ALDH16A1: variants seen among roughly 807,000 people sequenced by gnomAD.
ALDH16A1 encodes aldehyde dehydrogenase 16 family member A1.
ALDH16A1 carries 88 observed loss-of-function variants against 96.1 expected under a neutral mutation model. The ratio of observed to expected loss-of-function variants is 0.92; its 90% confidence interval spans 0.77 to 1.09. The LOEUF is 1.09. ALDH16A1 is among the 50% of genes least tolerant of loss of function. The pLI is 0.00. For synonymous variants in ALDH16A1, 522 were observed against 496.4 expected, an observed-to-expected ratio of 1.05 and a Z score of -0.69; for missense variants, 1,250 against 1,112.6, an observed-to-expected ratio of 1.12 and a Z score of -1.76.
chr19:49,457,402 G>A (rs112110111), intron 1 of ALDH16A1, among the ~76,000 whole-genome samples: 3,721 of 151,528 alleles, frequency 0.025, 170 homozygotes, highest in Admixed American at 0.1. Context: ...AAAAAAATTA[G>A]CCAGGCGTGG....
In ALDH16A1 at chr19:49,466,070, GT is replaced by G. The variant is rs751397251; in HGVS notation, c.1737-11del. On this transcript the variant is annotated splice_polypyrimidine_tract_variant and intron_variant, in intron 13 of 16. Transcript: ENST00000293350. ...AGGATGCCAACCCCCACTGTGCGCT[GT>G]CTGCCCACAGCTGGGCGGGCCAGTC... The G allele has an allele frequency of 1.9e-6, 3 of 1,541,080 alleles. No individual in the cohort carries two copies. The highest frequency in any genetic ancestry group is 2.6e-6 in the Non-Finnish European group (3 of 1,146,932).
At chr19:49,453,779 T>A (rs2079087903) in intron 1 of ALDH16A1, among the ~76,000 whole-genome samples, 2 of 152,098 alleles carry the variant, frequency 1.3e-5, no homozygotes, top group South Asian at 4.1e-4. Context: ...GAGGCTCCAG[T>A]GACCCACAAC....
chr19:49,462,010 G>A lies in ALDH16A1; in HGVS notation c.886G>A (p.Asp296Asn), dbSNP rs1263156872. Residue 296 changes from aspartate to asparagine, a missense_variant, in exon 7 of 17, where the codon GAC becomes AAC. Transcript: ENST00000293350. ...DVDSAVEGVV[D>N]AAWSDRGPGG... ...AGACTCGGCCGTGGAGGGTGTCGTG[G>A]ACGCCGCCTGGTCCGACCGCGGCCC... 6.5e-7 allele frequency: 1 copy of A among 1,544,238 alleles called. No individual in the cohort carries two copies. Among genetic ancestry groups the A allele is most frequent in the Non-Finnish European group, 8.7e-7 (1 of 1,148,798 alleles).
chr19:49,470,307 G>A lies in ALDH16A1; in HGVS notation c.2249G>A (p.Gly750Asp), dbSNP rs2079234460. 1 of 1,613,340 alleles carries A rather than the reference G, an allele frequency of 6.2e-7. No homozygotes were observed. Among genetic ancestry groups the A allele is most frequent in the Non-Finnish European group, 8.5e-7 (1 of 1,179,760 alleles). Reference protein sequence around the residue: ...QAMWYFGSAQGSQFVEWASAG... With the variant: ...QAMWYFGSAQDSQFVEWASAG... ...ACCCCCGTCTCTTCCTCCCCTCAGGGTTCCCAGTTTGTCGAGTGGGCCTCG... is the reference window on the plus strand; with the variant it reads ...ACCCCCGTCTCTTCCTCCCCTCAGGATTCCCAGTTTGTCGAGTGGGCCTCG... Residue 750 changes from glycine (G) to aspartate (D), a missense_variant and splice_region_variant, in exon 17 of 17, where the codon GGT becomes GAT. Transcript: ENST00000293350.
Position 49,464,619 on chromosome 19 carries a change from G to C in ALDH16A1, c.1438-13G>C, listed in dbSNP as rs372663614. 1.9e-6 allele frequency: 3 copies of C among 1,613,804 alleles called. No homozygotes were observed. On this transcript the variant is annotated splice_polypyrimidine_tract_variant and intron_variant, in intron 11 of 16. Transcript: ENST00000293350. ...GTGCCCCTTGCATCCTCTTGACACC[G>C]TCCCTCTCACAGGGGCTGTATGAGT...
Position 49,459,811 on chromosome 19 carries a change from C to T in ALDH16A1, c.462C>T (p.Ser154=). ...QLLHYHAIQA[S]TQEEALAGWE... ...TCCACTACCATGCAATCCAGGCATC[C>T]ACCCAGGAGGAGGCACTGGCAGGCT... is the stretch of plus-strand genomic sequence containing the variant. The change falls in exon 4 of 17, where the codon TCC becomes TCT. Residue 154 remains serine (S), a synonymous_variant. Transcript: ENST00000293350. This position sits in a 1 kb window ranked among gnomAD's most constrained non-coding sequence, Gnocchi z 4.1. 6.2e-7 allele frequency: 1 copy of T among 1,613,492 alleles called. No individual in the cohort carries two copies. Among genetic ancestry groups the T allele is most frequent in the Non-Finnish European group, 8.5e-7 (1 of 1,179,882 alleles).
Position 49,462,006 on chromosome 19 carries a change from C to A in ALDH16A1, c.882C>A (p.Val294=). 1 of 1,544,638 alleles carries A rather than the reference C, an allele frequency of 6.5e-7. No homozygotes were observed. ...ACGTAGACTCGGCCGTGGAGGGTGT[C>A]GTGGACGCCGCCTGGTCCGACCGCG... The part of the protein sequence containing the change: ...TADVDSAVEG[V]VDAAWSDRGP... Residue 294 remains valine, a synonymous_variant, in exon 7 of 17, where the codon GTC becomes GTA. Coordinates refer to ENST00000293350, the MANE Select transcript of ALDH16A1 (RefSeq NM_153329.4).
chr19:49,468,849 C>T lies in ALDH16A1; in HGVS notation c.2125-15C>T. 1.9e-6 allele frequency: 3 copies of T among 1,609,570 alleles called. No individual in the cohort carries two copies. ...CCCACGGCCTCCCCAACCTTTCACT[C>T]TCTCTATCCCCTAGGACATGGCCAC... On this transcript the variant is annotated splice_polypyrimidine_tract_variant and intron_variant, in intron 15 of 16. Transcript: ENST00000293350. The surrounding 1 kb of genome is among the most constrained non-coding windows in gnomAD (Gnocchi z 4.4).
Position 49,465,762 on chromosome 19 carries a change from C to T in ALDH16A1, c.1593C>T (p.Phe531=), listed in dbSNP as rs747326977. The part of the protein sequence containing the change: ...GPSPAPPYGL[F]VGGRFQAPGA... The stretch of plus-strand genomic sequence containing the variant: ...GCCCAGCACCCCCCTATGGGCTCTT[C>T]GTTGGGGGCCGTTTCCAGGCTCCTG... Residue 531 remains phenylalanine (F), a synonymous_variant, in exon 13 of 17, where the codon TTC becomes TTT. Coordinates refer to ENST00000293350, the MANE Select transcript of ALDH16A1 (RefSeq NM_153329.4). 30 of 1,613,810 alleles carry T rather than the reference C, an allele frequency of 1.9e-5. No individual in the cohort carries two copies. The highest frequency in any genetic ancestry group is 2.4e-5 in the Non-Finnish European group (28 of 1,179,878).
At position 49,459,071 on chromosome 19, in the gene ALDH16A1, C is replaced by G; in HGVS notation, c.305C>G (p.Ala102Gly). 2.5e-6 allele frequency: 4 copies of G among 1,612,820 alleles called. No homozygotes were observed. The highest frequency in any genetic ancestry group is 2.5e-6 in the Non-Finnish European group (3 of 1,179,834). The change falls in exon 3 of 17, where the codon GCC becomes GGC. Residue 102 changes from alanine to glycine, a missense_variant. Physicochemically the swap from Ala to Gly is moderately conservative, Grantham distance 60. Coordinates refer to ENST00000293350, the MANE Select transcript of ALDH16A1 (RefSeq NM_153329.4). The surrounding 1 kb of genome is among the most constrained non-coding windows in gnomAD (Gnocchi z 4.1). The part of the protein sequence containing the change: ...GWSAHPGVVR[A>G]QHLTRLAEVI... ...AGTGCGCACCCCGGCGTCGTCCGGG[C>G]CCAGCACCTGACCAGGTGATGCAGC...
chr19:49,466,334 A>G, intron 14 of ALDH16A1, 51 bp downstream of exon 14: 1 of 1,415,868 alleles, frequency 7.1e-7, no homozygotes. Context: ...GGTGGGGCTC[A>G]GACCAGAGGC....
In ALDH16A1 at chr19:49,461,707, A is replaced by G; in HGVS notation, c.666A>G (p.Gly222=). 1.9e-6 allele frequency: 3 copies of G among 1,609,624 alleles called. No homozygotes were observed. The highest frequency in any genetic ancestry group is 2.5e-6 in the Non-Finnish European group (3 of 1,178,138). The change falls in exon 6 of 17, where the codon GGA becomes GGG. Residue 222 remains glycine, a synonymous_variant. Coordinates refer to ENST00000293350, the MANE Select transcript of ALDH16A1 (RefSeq NM_153329.4). ...CGGGGGAGCTGGGCCCCTTCCCGGG[A>G]ATCCTGAATGTCCTCAGTGGCCCTG... is the stretch of plus-strand genomic sequence containing the variant. The part of the protein sequence containing the change: ...QLAGELGPFP[G]ILNVLSGPAS...
chr19:49,468,408 C>T lies in ALDH16A1; in HGVS notation c.1966C>T (p.Arg656Cys), dbSNP rs751182686. 6 of 1,600,074 alleles carry T rather than the reference C, an allele frequency of 3.7e-6. No homozygotes were observed. Among genetic ancestry groups the T allele is most frequent in the South Asian group, 1.1e-5 (1 of 91,016 alleles). The stretch of plus-strand genomic sequence containing the variant: ...AGCCGGGCTGAGAGGCCCTGTGCTG[C>T]GCCTGCGGGAGCCGCTGGGTGTGCT... The part of the protein sequence containing the change: ...QVAGLRGPVL[R>C]LREPLGVLAV... The change falls in exon 15 of 17, where the codon CGC becomes TGC. Residue 656 changes from arginine (R) to cysteine (C), a missense_variant. Coordinates refer to ENST00000293350, the MANE Select transcript of ALDH16A1 (RefSeq NM_153329.4). This position sits in a 1 kb window ranked among gnomAD's most constrained non-coding sequence, Gnocchi z 4.4.
In ALDH16A1 at chr19:49,468,037, G is replaced by A. The variant is rs1441508184; in HGVS notation, c.1939-344G>A. Among the ~76,000 whole-genome samples the A allele has an allele frequency of 1.3e-5, 2 of 151,528 alleles. No individual in the cohort carries two copies. Among genetic ancestry groups the A allele is most frequent in the African/African-American group, 2.4e-5 (1 of 41,218 alleles). On this transcript the variant is annotated intron_variant, in intron 14 of 16. Transcript: ENST00000293350. This position sits in a 1 kb window ranked among gnomAD's most constrained non-coding sequence, Gnocchi z 4.4. ...TAGCCGGGCATGGTGGCAGGTGCCT[G>A]TAGTCTCAGCTACTCAGGAGACTGA...
chr19:49,463,919 GC>G lies in ALDH16A1; in HGVS notation c.1169del (p.Pro390GlnfsTer112). On this transcript the variant is annotated frameshift_variant, in exon 9 of 17. Coordinates refer to ENST00000293350, the MANE Select transcript of ALDH16A1 (RefSeq NM_153329.4). LOFTEE classifies it high-confidence loss of function. The part of the protein sequence containing the change: ...FYPPTLVSNL[P>X]PASPCAQVEV... ...ATCCCCCAACCTTGGTCTCCAACCT[GC>G]CCCCAGCCTCCCCATGTGCCCAGGT... 6.2e-7 allele frequency: 1 copy of G among 1,612,776 alleles called. No individual in the cohort carries two copies. The highest frequency in any genetic ancestry group is 1.7e-5 in the Admixed American group (1 of 59,808).
At position 49,470,374 on chromosome 19, in the gene ALDH16A1, G is replaced by A. The variant is rs770048555; in HGVS notation, c.2316G>A (p.Pro772=). 7.4e-6 allele frequency: 12 copies of A among 1,613,032 alleles called. No homozygotes were observed. The highest frequency in any genetic ancestry group is 5.0e-5 in the Admixed American group (3 of 59,984). ...LKPVWASRGC[P]RAWDQEAEGA... is the part of the protein sequence containing the mutation. Reference sequence around the variant, plus strand: ...CGGTGTGGGCGAGCAGGGGCTGCCCGCGGGCCTGGGACCAGGAGGCCGAGG... The same window carrying A: ...CGGTGTGGGCGAGCAGGGGCTGCCCACGGGCCTGGGACCAGGAGGCCGAGG... The change falls in exon 17 of 17, where the codon CCG becomes CCA. Residue 772 remains proline, a synonymous_variant. Coordinates refer to ENST00000293350, the MANE Select transcript of ALDH16A1 (RefSeq NM_153329.4).
intron 10 of ALDH16A1, 27 bp downstream of exon 10, chr19:49,464,290 C>G: frequency 6.3e-7 from 1 of 1,595,954 alleles, no homozygotes; most frequent in Non-Finnish European, 8.5e-7. Flanking sequence ...CGGGCGCTCA[C>G]TCCTCTCCTC....
intron 4 of ALDH16A1, among the ~76,000 whole-genome samples, 172 bp downstream of exon 4, chr19:49,460,020 C>T (rs1397375877): frequency 6.6e-6 from 1 of 152,078 alleles, no homozygotes; most frequent in Non-Finnish European, 1.5e-5. Flanking sequence ...AAGTGATTCT[C>T]CTGCCTCAGC....
In ALDH16A1 at chr19:49,453,280, C is replaced by G; in HGVS notation, c.-52C>G. ...TGTCGCTCTTCGGACCTCAAGGTTCCCCTTAACACAGAGCGCCCCGCAGTC... is the reference window on the plus strand; with the variant it reads ...TGTCGCTCTTCGGACCTCAAGGTTCGCCTTAACACAGAGCGCCCCGCAGTC... On this transcript the variant is annotated 5_prime_UTR_variant, in exon 1 of 17. Transcript: ENST00000293350. 1 of 1,489,080 alleles carries G rather than the reference C, an allele frequency of 6.7e-7. No homozygotes were observed. Among genetic ancestry groups the G allele is most frequent in the African/African-American group, 1.4e-5 (1 of 72,346 alleles). 92.2% of individuals were successfully genotyped at this position (1,489,080 alleles called of 1,614,324 possible).
Sources: gnomAD v4.1 joint callset for allele counts (sites outside exome capture counted in the v4.1 genomes callset) on GRCh38, gnomAD v4.1.1 for gene constraint, Gnocchi (gnomAD v3.1) non-coding constraint, MANE v1.5 for transcripts, NCBI Gene and HGNC (gene_info 2026-07-23, HGNC 2026-07-21) for gene names.